The following SV2C variants were observed in gnomAD, a reference collection of about 807,000 sequenced individuals.
The protein encoded by SV2C is solute carrier family 22 member B3.
A neutral mutation model predicts 79.7 loss-of-function variants in SV2C; 49 were observed. That is an observed-to-expected ratio of 0.61 (90% CI 0.49 to 0.78). SV2C has a LOEUF of 0.78. Among genes scored for constraint, SV2C ranks in the 30% least tolerant of loss-of-function variants. SV2C has a pLI of 0.00. For synonymous variants in SV2C, 334 were observed against 333.2 expected (o/e 1.00, Z -0.03); for missense variants, 833 against 912.9 (o/e 0.91, Z 1.13).
intron 1 of SV2C, among the ~76,000 whole-genome samples, chr5:76,130,903 A>G (rs1401218998): frequency 1.3e-5 from 2 of 152,104 alleles, no homozygotes; most frequent in Non-Finnish European, 2.9e-5. Flanking sequence ...CATGGAGCTT[A>G]CCTGTCCCTG....
chr5:76,199,329 T>C (rs905223), intron 3 of SV2C, among the ~76,000 whole-genome samples: 27,139 of 152,134 alleles, frequency 0.18, 2,595 homozygotes, highest in Non-Finnish European at 0.2. Flanking sequence ...AATGTTTCTT[T>C]TGTGGGCCTC....
the SV2C span, chr5:75,920,771 G>T: frequency 6.4e-6 from 5 of 780,068 alleles, no homozygotes; most frequent in Non-Finnish European, 1.2e-5. Flanking sequence ...CTTGGGTCCC[G>T]TTGGGGTGCT....
At chr5:76,261,767 C>G (rs974328970) in intron 4 of SV2C, among the ~76,000 whole-genome samples, 1 of 152,190 alleles carries the variant, frequency 6.6e-6, no homozygotes, top group African/African-American at 2.4e-5. Flanking sequence ...ATATGTTGAA[C>G]CAGCCTTGCT....
intron 12 of SV2C, among the ~76,000 whole-genome samples, chr5:76,302,512 C>T (rs1748044821): frequency 6.6e-6 from 1 of 151,256 alleles, no homozygotes; most frequent in Non-Finnish European, 1.5e-5. Context: ...TGCCTGTAAT[C>T]CCAGCTACTC....
At chr5:76,345,657 A>G (rs1749524210) in intron 12 of SV2C, among the ~76,000 whole-genome samples, 1 of 152,186 alleles carries the variant, frequency 6.6e-6, no homozygotes, top group African/African-American at 2.4e-5. Context: ...CTGTTGGCTA[A>G]CTCAATAGTA....
chr5:76,132,468 G>A (rs1341169960), intron 2 of SV2C, 138 bp downstream of exon 2: 1 of 833,434 alleles, frequency 1.2e-6, no homozygotes, highest in African/African-American at 1.7e-5. Context: ...AAAACTTTAA[G>A]CATACAAAAG....
At chr5:76,150,626 CTTTTTTTTTTTTTTTT>C (rs57910684) in intron 2 of SV2C, among the ~76,000 whole-genome samples, 1 of 56,454 alleles carries the variant, frequency 1.8e-5, no homozygotes, top group African/African-American at 7.8e-5. Context: ...TCATCAAATT[CTTTTTTTTTTTTTTTT>C]TTTTTTTTTT....
Position 76,325,448 on chromosome 5 carries a change from C to T in SV2C, c.2085C>T (p.Ile695=), listed in dbSNP as rs768371249. 5.0e-6 allele frequency: 8 copies of T among 1,614,082 alleles called. No homozygotes were observed. In the African/African-American group the frequency reaches 9.3e-5, roughly 19 times the overall value. Residue 695 remains isoleucine (I), a synonymous_variant, in exon 13 of 13, where the codon ATC becomes ATT. Coordinates refer to ENST00000502798, the MANE Select transcript of SV2C (RefSeq NM_014979.4). ...GNLIFGSLVS[I]TKSIPILLAS... ...TAATATTTGGCTCTCTGGTCAGCAT[C>T]ACCAAATCAATCCCCATCCTGCTGG...
the SV2C span, among the ~76,000 whole-genome samples, chr5:76,030,289 T>TTTTTTTTTTTTTATTTA: frequency 8.4e-4 from 99 of 117,880 alleles, 1 homozygote; most frequent in African/African-American, 3.6e-3. Context: ...TTTTTTTTTT[T>TTTTTTTTTTTTTATTTA]TTTATTTATT....
chr5:76,271,592 CA>C (rs796279758), intron 4 of SV2C, among the ~76,000 whole-genome samples: 89 of 132,498 alleles, frequency 6.7e-4, no homozygotes, highest in African/African-American at 2.2e-3. Flanking sequence ...CAGTGTATTT[CA>C]AAAAAACTAC....
At chr5:76,195,243 T>C (rs533636240) in intron 3 of SV2C, 144 bp downstream of exon 3, 9 of 808,308 alleles carry the variant, frequency 1.1e-5, no homozygotes, top group Non-Finnish European at 1.6e-5. Context: ...CAATGCTGGT[T>C]CTTAGAAATA....
downstream of SV2C, among the ~76,000 whole-genome samples, chr5:76,335,612 T>C (rs1455664412): frequency 6.6e-6 from 1 of 151,130 alleles, no homozygotes; most frequent in Non-Finnish European, 1.5e-5. Context: ...GATTAGGGAG[T>C]GGTGATGACT....
the SV2C span, among the ~76,000 whole-genome samples, chr5:75,857,795 T>C: frequency 6.6e-6 from 1 of 152,232 alleles, no homozygotes; most frequent in African/African-American, 2.4e-5. Flanking sequence ...CTGGGTTTTA[T>C]AATTTTTATT....
the SV2C span, among the ~76,000 whole-genome samples, chr5:76,017,206 C>G: frequency 0.034 from 5,132 of 152,180 alleles, 280 homozygotes; most frequent in African/African-American, 0.11. Context: ...TACTCTGAGA[C>G]CTAATGAGAA....
At chr5:75,891,636 C>A in the SV2C span, among the ~76,000 whole-genome samples, 73 of 152,136 alleles carry the variant, frequency 4.8e-4, no homozygotes, top group Admixed American at 4.5e-3. Context: ...GCTGGAAAAA[C>A]TTGAGTTATA....
chr5:75,898,463 A>G, the SV2C span, among the ~76,000 whole-genome samples: 2,514 of 152,248 alleles, frequency 0.017, 35 homozygotes, highest in African/African-American at 0.043. Context: ...TGCTGGATTC[A>G]GTTTGCCAGT....
At chr5:75,968,267 G>T in the SV2C span, among the ~76,000 whole-genome samples, 1 of 152,190 alleles carries the variant, frequency 6.6e-6, no homozygotes, top group Non-Finnish European at 1.5e-5. Context: ...AAATCAGAGC[G>T]CTTCTCCTCC....
chr5:76,264,186 T>C (rs1746569384), intron 4 of SV2C, among the ~76,000 whole-genome samples: 1 of 151,868 alleles, frequency 6.6e-6, no homozygotes, highest in African/African-American at 2.4e-5. Flanking sequence ...TAAGTTGATC[T>C]TCAGTCTCTG....
intron 4 of SV2C, among the ~76,000 whole-genome samples, chr5:76,240,298 C>T (rs777131541): frequency 7.2e-5 from 11 of 152,206 alleles, no homozygotes; most frequent in Non-Finnish European, 1.6e-4. Context: ...CTGCTTAAAG[C>T]AGATGTATTT....
Sources: gnomAD v4.1 joint callset for allele counts (sites outside exome capture counted in the v4.1 genomes callset) on GRCh38, gnomAD v4.1.1 for gene constraint, MANE v1.5 for transcripts, NCBI Gene and HGNC (gene_info 2026-07-23, HGNC 2026-07-21) for gene names.